Variants in HS3ST5 observed in about 807,000 individuals in gnomAD.
HS3ST5 encodes the protein heparan sulfate glucosamine 3-O-sulfotransferase 5.
A neutral mutation model predicts 25.4 loss-of-function variants in HS3ST5; 10 were observed. The observed-to-expected ratio is 0.39, with a 90% CI of 0.24 to 0.67. HS3ST5 has a LOEUF of 0.67. HS3ST5 is among the 30% of genes least tolerant of loss of function. The pLI is 0.44. For synonymous variants in HS3ST5, 170 were observed against 162.4 expected (o/e 1.05, Z -0.36); for missense variants, 324 against 420.7 (o/e 0.77, Z 2.01).
intron 2 of HS3ST5, among the ~76,000 whole-genome samples, chr6:114,209,702 T>C (rs934844895): frequency 6.6e-6 from 1 of 152,142 alleles, no homozygotes; most frequent in Non-Finnish European, 1.5e-5. Context: ...AAATAGCCCA[T>C]ATCAGTTAAA....
intron 3 of HS3ST5, among the ~76,000 whole-genome samples, chr6:114,065,094 AAG>A (rs71661724): frequency 0.23 from 35,088 of 152,026 alleles, 4,304 homozygotes; most frequent in Non-Finnish European, 0.25. Flanking sequence ...GGGGAAGAGA[AAG>A]AGAGTGAGGT....
chr6:114,334,325 C>A (rs115547463), intron 1 of HS3ST5, among the ~76,000 whole-genome samples: 1 of 152,066 alleles, frequency 6.6e-6, no homozygotes, highest in African/African-American at 2.4e-5. Flanking sequence ...TTTTCCAGTG[C>A]CCTCTCATCC....
chr6:114,241,534 TG>T (rs1772126658), intron 1 of HS3ST5, among the ~76,000 whole-genome samples: 1 of 152,220 alleles, frequency 6.6e-6, no homozygotes, highest in Non-Finnish European at 1.5e-5. Flanking sequence ...CATAAAATGT[TG>T]GGCTCTTATC....
At chr6:114,195,657 A>G (rs1780704322) in intron 2 of HS3ST5, among the ~76,000 whole-genome samples, 1 of 152,178 alleles carries the variant, frequency 6.6e-6, no homozygotes, top group African/African-American at 2.4e-5. Flanking sequence ...GTTAATAAAT[A>G]TGCAATTAGG....
At chr6:114,340,267 C>T (rs923286090) in intron 1 of HS3ST5, among the ~76,000 whole-genome samples, 2 of 152,198 alleles carry the variant, frequency 1.3e-5, no homozygotes, top group African/African-American at 2.4e-5. Flanking sequence ...TGCTGTAATA[C>T]TCCATTGAAT....
At chr6:114,248,661 C>T (rs950289651) in intron 1 of HS3ST5, among the ~76,000 whole-genome samples, 4 of 152,116 alleles carry the variant, frequency 2.6e-5, no homozygotes, top group African/African-American at 9.7e-5. Context: ...CTGTATTAGG[C>T]TATAGGGATA....
chr6:114,095,364 T>C (rs1272141887), intron 3 of HS3ST5, among the ~76,000 whole-genome samples: 1 of 152,172 alleles, frequency 6.6e-6, no homozygotes, highest in African/African-American at 2.4e-5. Flanking sequence ...AGTTATTCTT[T>C]TCTTTGCTTC....
At chr6:114,104,774 G>A (rs1299730805) in intron 3 of HS3ST5, among the ~76,000 whole-genome samples, 1 of 152,140 alleles carries the variant, frequency 6.6e-6, no homozygotes, top group Non-Finnish European at 1.5e-5. Context: ...TGGATTAAGG[G>A]TTATGTCACG....
intron 1 of HS3ST5, among the ~76,000 whole-genome samples, chr6:114,334,143 A>T (rs1228815994): frequency 6.6e-6 from 1 of 152,208 alleles, no homozygotes; most frequent in East Asian, 1.9e-4. Context: ...TGAAAAGAAT[A>T]CAATCCCTGT....
chr6:114,339,143 T>C (rs138186198), intron 1 of HS3ST5, among the ~76,000 whole-genome samples: 45 of 152,238 alleles, frequency 3.0e-4, no homozygotes, highest in African/African-American at 1.1e-3. Flanking sequence ...AAAAAATTCA[T>C]CCATATAAAA....
At chr6:114,114,696 A>AAAG (rs1456111849) in intron 3 of HS3ST5, among the ~76,000 whole-genome samples, 1 of 152,094 alleles carries the variant, frequency 6.6e-6, no homozygotes, top group African/African-American at 2.4e-5. Flanking sequence ...TTCTTGACTA[A>AAAG]ATTAATCATA....
At chr6:114,193,860 A>G (rs1780617617) in intron 2 of HS3ST5, among the ~76,000 whole-genome samples, 1 of 152,108 alleles carries the variant, frequency 6.6e-6, no homozygotes, top group South Asian at 2.1e-4. Flanking sequence ...TCTTCTACAA[A>G]TCAGAAATCT....
At chr6:114,102,413 G>A (rs1775781318) in intron 3 of HS3ST5, among the ~76,000 whole-genome samples, 1 of 152,152 alleles carries the variant, frequency 6.6e-6, no homozygotes, top group African/African-American at 2.4e-5. Flanking sequence ...ACTGTTGTTT[G>A]TCTACTTTCC....
chr6:114,070,028 T>G (rs1044772638), intron 3 of HS3ST5, among the ~76,000 whole-genome samples: 3 of 152,034 alleles, frequency 2.0e-5, no homozygotes, highest in African/African-American at 7.3e-5. Context: ...TTTCTGAGAT[T>G]TTAGTGCACT....
chr6:114,145,778 C>T (rs1302975101), intron 3 of HS3ST5, among the ~76,000 whole-genome samples: 1 of 152,168 alleles, frequency 6.6e-6, no homozygotes, highest in East Asian at 1.9e-4. Context: ...GCCTTCCTCA[C>T]TCATCAGGAA....
Position 114,076,137 on chromosome 6 carries a change from T to G in HS3ST5, c.-32-13260A>C, listed in dbSNP as rs529905312. On this transcript the variant is annotated intron_variant, in intron 3 of 4. Transcript: ENST00000312719. ...GAGACTTGAGGACATCTGCTCCTTC[T>G]GTGGGGCAGGAAATTATTTCTCCAT... Among the ~76,000 whole-genome samples the G allele has an allele frequency of 3.9e-5, 6 of 152,214 alleles. No individual in the cohort carries two copies. The South Asian group carries it at 1.2e-3, about 32-fold the overall frequency.
intron 1 of HS3ST5, among the ~76,000 whole-genome samples, chr6:114,258,462 C>G (rs185127594): frequency 7.9e-5 from 12 of 152,290 alleles, no homozygotes; most frequent in Admixed American, 5.9e-4. Context: ...GCAGGGCCAG[C>G]CCAATGCTGT....
intron 4 of HS3ST5, chr6:114,058,750 G>A (rs1310554021): frequency 6.5e-6 from 1 of 153,410 alleles, no homozygotes; most frequent in Non-Finnish European, 1.5e-5. Flanking sequence ...GGAACTTGCT[G>A]AGATTTTCAT....
chr6:114,127,863 G>T (rs1403817729), intron 3 of HS3ST5, among the ~76,000 whole-genome samples: 42 of 149,964 alleles, frequency 2.8e-4, no homozygotes, highest in African/African-American at 9.0e-4. Flanking sequence ...TATAGAGAGA[G>T]AGAGAGAGAG....
Sources: gnomAD v4.1 joint callset for allele counts (sites outside exome capture counted in the v4.1 genomes callset) on GRCh38, gnomAD v4.1.1 for gene constraint, MANE v1.5 for transcripts, NCBI Gene and HGNC (gene_info 2026-07-23, HGNC 2026-07-21) for gene names.